CLTC: variants seen among roughly 807,000 people sequenced by gnomAD.
CLTC encodes the protein clathrin heavy chain 1.
In CLTC, 16 loss-of-function variants were observed where a neutral mutation model predicts 195.8. The ratio of observed to expected loss-of-function variants is 0.08; its 90% confidence interval spans 0.06 to 0.12. The LOEUF (loss-of-function observed/expected upper bound fraction) is 0.12. CLTC is among the 10% of genes least tolerant of loss of function. The probability of loss-of-function intolerance (pLI) is 1.00; values close to 1 mark genes in which losing one functional copy is unlikely to be tolerated. For missense variants in CLTC, 796 were observed against 2,027.0 expected (o/e 0.39, Z 11.66); for synonymous variants, 667 against 689.4 (o/e 0.97, Z 0.51).
At chr17:59,678,708 A>T (rs1052092378) in intron 17 of CLTC, among the ~76,000 whole-genome samples, 1 of 152,174 alleles carries the variant, frequency 6.6e-6, no homozygotes, top group Non-Finnish European at 1.5e-5. Flanking sequence ...GGGCATTAGA[A>T]ACCAAGATCT....
Position 59,685,503 on chromosome 17 carries a change from T to G in CLTC, c.4606-84T>G. Reference sequence around the variant, plus strand: ...TCCCCTTGCAAAACCAGATTTATATTGGAAAGTTTCCATTGTTTTTCTTGG... The same window carrying G: ...TCCCCTTGCAAAACCAGATTTATATGGGAAAGTTTCCATTGTTTTTCTTGG... On this transcript the variant is annotated intron_variant, in intron 29 of 31. Coordinates refer to ENST00000269122, the MANE Select transcript of CLTC (RefSeq NM_004859.4). This position sits in a 1 kb window ranked among gnomAD's most constrained non-coding sequence, Gnocchi z 5.0. The G allele has an allele frequency of 4.1e-6, 5 of 1,231,652 alleles. No individual in the cohort carries two copies. The highest frequency in any genetic ancestry group is 2.9e-5 in the South Asian group (2 of 68,254). The allele number at this position is 1,231,652 out of a possible 1,614,324, so 76.3% of individuals were successfully genotyped here.
chr17:59,676,961 C>A lies in CLTC; in HGVS notation c.2569C>A (p.Leu857Met). ...AEVEKRNRLK[L>M]LLPWLEARIH... ...TTTTTCCTTTTTTCCTAGATTGAAACTGCTTCTGCCTTGGCTAGAGGCCAG... is the reference window on the plus strand; with the variant it reads ...TTTTTCCTTTTTTCCTAGATTGAAAATGCTTCTGCCTTGGCTAGAGGCCAG... The change falls in exon 17 of 32, where the codon CTG becomes ATG. Residue 857 changes from leucine (L) to methionine (M), a missense_variant. By Grantham distance (15) the Leu-to-Met change is conservative. Around this residue, in one of 9 missense-constraint regions of CLTC, gnomAD observed 160 missense variants for 448.2 expected, o/e 0.36. Coordinates refer to ENST00000269122, the MANE Select transcript of CLTC (RefSeq NM_004859.4). 3 of 1,613,644 alleles carry A rather than the reference C, an allele frequency of 1.9e-6. No homozygotes were observed. The highest frequency in any genetic ancestry group is 2.5e-6 in the Non-Finnish European group (3 of 1,179,740).
chr17:59,662,205 A>G (rs1316550912), intron 8 of CLTC, among the ~76,000 whole-genome samples: 3 of 152,176 alleles, frequency 2.0e-5, no homozygotes, highest in Non-Finnish European at 4.4e-5. Context: ...TTGGTGTTAC[A>G]TGGAAAAATA....
intron 1 of CLTC, among the ~76,000 whole-genome samples, chr17:59,638,965 A>G (rs187792020): frequency 6.6e-6 from 1 of 152,350 alleles, no homozygotes. Context: ...CATTTGTAAC[A>G]TGTAACTCCA....
intron 1 of CLTC, among the ~76,000 whole-genome samples, chr17:59,632,332 C>T (rs1300362648): frequency 7.1e-6 from 1 of 140,726 alleles, no homozygotes; most frequent in African/African-American, 2.6e-5. Flanking sequence ...AGCTCCACTG[C>T]ACTCCAGCCT....
At chr17:59,630,876 TTTG>T (rs2031692164) in intron 1 of CLTC, among the ~76,000 whole-genome samples, 1 of 152,214 alleles carries the variant, frequency 6.6e-6, no homozygotes, top group South Asian at 2.1e-4. Flanking sequence ...TGTACAAGTT[TTTG>T]TTTGAATGCC....
intron 1 of CLTC, among the ~76,000 whole-genome samples, chr17:59,622,305 T>C (rs138818058): frequency 1.3e-5 from 2 of 152,378 alleles, no homozygotes; most frequent in East Asian, 3.9e-4. Context: ...TGATTAATTG[T>C]GGAGCCCAAA....
chr17:59,651,531 G>T (rs1392873707), intron 5 of CLTC, among the ~76,000 whole-genome samples: 2 of 152,172 alleles, frequency 1.3e-5, no homozygotes, highest in Non-Finnish European at 2.9e-5. Context: ...CCACAATAAA[G>T]TAAATACCAC....
intron 28 of CLTC, chr17:59,684,541 C>CA (rs1294272725): frequency 6.5e-6 from 1 of 154,444 alleles, no homozygotes; most frequent in Non-Finnish European, 1.4e-5. Context: ...CGTGGTGACT[C>CA]ACGCCTGTAA....
intron 1 of CLTC, among the ~76,000 whole-genome samples, chr17:59,641,999 GTTTTT>G (rs398031234): frequency 6.2e-5 from 8 of 128,692 alleles, no homozygotes; most frequent in African/African-American, 2.3e-4. Flanking sequence ...AATCTTTGTT[GTTTTT>G]TTTTTTTTTT....
At chr17:59,635,569 A>G (rs1355392272) in intron 1 of CLTC, among the ~76,000 whole-genome samples, 1 of 152,208 alleles carries the variant, frequency 6.6e-6, no homozygotes. Context: ...CTTGGTGCTA[A>G]TGGAGAGTTG....
intron 1 of CLTC, among the ~76,000 whole-genome samples, chr17:59,640,104 A>G (rs1398883164): frequency 6.6e-6 from 1 of 152,228 alleles, no homozygotes; most frequent in Non-Finnish European, 1.5e-5. Flanking sequence ...TAAAAGTTTT[A>G]ATCTATATTG....
At chr17:59,653,300 TCTC>T (rs2143520321) in intron 5 of CLTC, among the ~76,000 whole-genome samples, 1 of 151,792 alleles carries the variant, frequency 6.6e-6, no homozygotes, top group African/African-American at 2.4e-5. Context: ...TTCACGCCAT[TCTC>T]CTGCCTCAGC....
chr17:59,695,097 T>C lies in CLTC; in HGVS notation c.*1245T>C, dbSNP rs1000526075. 2.5e-5 allele frequency: 5 copies of C among 203,960 alleles called. No individual in the cohort carries two copies. The highest frequency in any genetic ancestry group is 6.0e-5 in the Admixed American group (1 of 16,716). The allele number at this position is 203,960 out of a possible 1,614,324, so 12.6% of individuals were successfully genotyped here. On this transcript the variant is annotated 3_prime_UTR_variant, in exon 32 of 32. Transcript: ENST00000269122. ...GCTGTTATATTAACTTGAAATAAAATATATTTAAACATGTAGTTAACATGC... is the reference window on the plus strand; with the variant it reads ...GCTGTTATATTAACTTGAAATAAAACATATTTAAACATGTAGTTAACATGC...
In CLTC at chr17:59,694,707, A is replaced by G. The variant is rs2033383427; in HGVS notation, c.*855A>G. On this transcript the variant is annotated 3_prime_UTR_variant, in exon 32 of 32. Transcript: ENST00000269122. Reference sequence around the variant, plus strand: ...TTCAAACAAAATATTGCTGTTCTTCAGTTTTGTTTGTGGAATTTGAAATTA... The same window carrying G: ...TTCAAACAAAATATTGCTGTTCTTCGGTTTTGTTTGTGGAATTTGAAATTA... 4.4e-6 allele frequency: 1 copy of G among 225,658 alleles called. No homozygotes were observed. 14.0% of individuals were successfully genotyped at this position (225,658 alleles called of 1,614,324 possible). A position where few individuals can be genotyped will look rare whatever the true frequency, so the allele number is the denominator to read the frequency against.
Position 59,679,516 on chromosome 17 carries a change from C to T in CLTC, c.2916C>T (p.Asp972=). 6 of 1,586,476 alleles carry T rather than the reference C, an allele frequency of 3.8e-6. No homozygotes were observed. Among genetic ancestry groups the T allele is most frequent in the Non-Finnish European group, 4.3e-6 (5 of 1,164,996 alleles). ...ATCCTTACAGGAGACCCCTAATTGA[C>T]CAGGTAACATTGGCAAATGTGTTTA... The part of the protein sequence containing the change: ...ESNPYRRPLI[D]QVVQTALSET... Residue 972 remains aspartate, a synonymous_variant, in exon 18 of 32, where the codon GAC becomes GAT. Coordinates refer to ENST00000269122, the MANE Select transcript of CLTC (RefSeq NM_004859.4).
At chr17:59,620,225 T>C (rs1303767573) in intron 1 of CLTC, 52 bp downstream of exon 1, 23 of 1,591,964 alleles carry the variant, frequency 1.4e-5, no homozygotes, top group Non-Finnish European at 2.0e-5. Context: ...GTAGGAAGGA[T>C]GGAAGACGCT....
At chr17:59,620,442 A>G (rs1334774490) in intron 1 of CLTC, among the ~76,000 whole-genome samples, 1 of 152,166 alleles carries the variant, frequency 6.6e-6, no homozygotes, top group African/African-American at 2.4e-5. Flanking sequence ...CTGGATGGCC[A>G]GAACTGCGCG....
intron 1 of CLTC, 49 bp downstream of exon 1, chr17:59,620,222 G>A: frequency 6.2e-7 from 1 of 1,604,638 alleles, no homozygotes; most frequent in Non-Finnish European, 8.5e-7. Flanking sequence ...GTGGTAGGAA[G>A]GATGGAAGAC....
Sources: gnomAD v4.1 joint callset for allele counts (sites outside exome capture counted in the v4.1 genomes callset) on GRCh38, gnomAD v4.1.1 for gene constraint, gnomAD v4.1.1 regional missense constraint, Gnocchi (gnomAD v3.1) non-coding constraint, MANE v1.5 for transcripts, NCBI Gene and HGNC (gene_info 2026-07-23, HGNC 2026-07-21) for gene names.